The following ADCY9 variants were observed in gnomAD, a reference collection of about 807,000 sequenced individuals.
ADCY9 encodes adenylate cyclase 9.
ADCY9 carries 50 observed loss-of-function variants against 101.5 expected under a neutral mutation model. The ratio of observed to expected loss-of-function variants is 0.49; its 90% CI spans 0.39 to 0.62. The LOEUF is 0.62. ADCY9 is among the 20% of genes least tolerant of loss of function. The probability of loss-of-function intolerance (pLI) is 0.00; values close to 1 mark genes in which losing one functional copy is unlikely to be tolerated. For synonymous variants in ADCY9, 905 were observed against 769.3 expected (o/e 1.18, Z -2.92); for missense variants, 1,662 against 1,800.4 (o/e 0.92, Z 1.39).
intron 2 of ADCY9, among the ~76,000 whole-genome samples, chr16:4,081,604 T>C (rs920365034): frequency 7.9e-5 from 12 of 152,168 alleles, no homozygotes; most frequent in African/African-American, 2.4e-4. Flanking sequence ...GAGAGTGCTT[T>C]TACCTCCCAC....
In ADCY9 at chr16:4,114,881, G is replaced by T. The variant is rs1170954189; in HGVS notation, c.562C>A (p.Leu188Met). Residue 188 changes from leucine (L) to methionine (M), a missense_variant, in exon 2 of 11, where the codon CTG (leucine) becomes ATG (methionine). Leu to Met is a conservative substitution (Grantham distance 15). Around this residue, in one of 5 missense-constraint regions of ADCY9, gnomAD observed 422 missense variants for 392.0 expected, o/e 1.08. Coordinates refer to ENST00000294016, the MANE Select transcript of ADCY9 (RefSeq NM_001116.4). This position sits in a 1 kb window ranked among gnomAD's most constrained non-coding sequence, Gnocchi z 4.3. The stretch of plus-strand genomic sequence containing the variant: ...GTCAAGACCTGGAACTGCGCAGCCA[G>T]GGTCAGGGCGAACACCAGCAGGGTG... ...ALTLLVFALT[L>M]AAQFQVLTPV... 1.2e-6 allele frequency: 2 copies of T among 1,613,796 alleles called. No homozygotes were observed. Among genetic ancestry groups the T allele is most frequent in the East Asian group, 4.5e-5 (2 of 44,890 alleles).
intron 2 of ADCY9, among the ~76,000 whole-genome samples, chr16:4,060,393 C>T (rs548733510): frequency 6.6e-5 from 10 of 152,292 alleles, no homozygotes; most frequent in South Asian, 4.1e-4. Context: ...GCCTACCCCA[C>T]GCACAAAGGA....
chr16:4,026,139 T>C (rs1271841680), intron 2 of ADCY9, among the ~76,000 whole-genome samples: 2 of 152,092 alleles, frequency 1.3e-5, no homozygotes, highest in Non-Finnish European at 2.9e-5. Context: ...GAAACTAAAG[T>C]AGAGGCTGGG....
At chr16:3,983,026 G>A (rs1254579563) in intron 7 of ADCY9, 4 of 592,720 alleles carry the variant, frequency 6.7e-6, no homozygotes, top group Non-Finnish European at 5.9e-6. Context: ...CCCCTCCAGC[G>A]AGGTGGTCCC....
chr16:4,085,075 C>A (rs909171730), intron 2 of ADCY9, among the ~76,000 whole-genome samples: 2 of 151,976 alleles, frequency 1.3e-5, no homozygotes, highest in Non-Finnish European at 2.9e-5. Context: ...AGGGAGGACA[C>A]TGGAAGCTGG....
In ADCY9 at chr16:3,999,409, C is replaced by T. The variant is rs373234150; in HGVS notation, c.1885-5899G>A. 3.9e-5 allele frequency among the ~76,000 whole-genome samples: 6 copies of T among 152,296 alleles called. No individual in the cohort carries two copies. In the East Asian group the frequency reaches 5.8e-4, roughly 15 times the overall value. On this transcript the variant is annotated intron_variant, in intron 3 of 10. Transcript: ENST00000294016. ...GAGGCAGCAATGATCATTCCGCAGA[C>T]GGCCACAGACTCCAGGGCCCTGGGA...
chr16:3,956,509 G>GA lies in ADCY9; in HGVS notation c.568-2994_568-2993insT, dbSNP rs1555504591. On this transcript the variant is annotated intron_variant, in intron 5 of 5. Coordinates refer to the ADCY9 transcript ENST00000576936. ...TGAGCTTTTTTTTTTTTTTTGGGGG[G>GA]GGATGGAGTCTCCCTCTGTCTCCCA... 1.0e-3 allele frequency among the ~76,000 whole-genome samples: 74 copies of GA among 71,056 alleles called. 1 individual carries two copies. The highest frequency in any genetic ancestry group is 7.3e-4 in the Non-Finnish European group (33 of 45,340). 46.6% of individuals were successfully genotyped at this position (71,056 alleles called of 152,430 possible). A position where few individuals can be genotyped will look rare whatever the true frequency, so the allele number is the denominator to read the frequency against.
chr16:4,045,382 G>C (rs1204679769), intron 2 of ADCY9, among the ~76,000 whole-genome samples: 1 of 151,954 alleles, frequency 6.6e-6, no homozygotes, highest in African/African-American at 2.4e-5. Context: ...AGATCACAAG[G>C]TCAGGAGTTC....
At position 4,114,826 on chromosome 16, in the gene ADCY9, T is replaced by A. The variant is rs147707598; in HGVS notation, c.617A>T (p.Asn206Ile). 30 of 1,613,172 alleles carry A rather than the reference T, an allele frequency of 1.9e-5. No homozygotes were observed. Among genetic ancestry groups the A allele is most frequent in the Non-Finnish European group, 2.5e-5 (29 of 1,180,000 alleles). Residue 206 changes from asparagine (N) to isoleucine (I), a missense_variant, in exon 2 of 11, where the codon AAC becomes ATC. By Grantham distance (149) the Asn-to-Ile change is moderately radical. Coordinates refer to ENST00000294016, the MANE Select transcript of ADCY9 (RefSeq NM_001116.4). The surrounding 1 kb of genome is among the most constrained non-coding windows in gnomAD (Gnocchi z 4.3). ...TPVSGRGDSSNLTATARPTDT... is the reference protein window; with the variant it reads ...TPVSGRGDSSILTATARPTDT... ...TGTGGGCCGGGCTGTGGCCGTAAGG[T>A]TGGAGCTGTCGCCGCGTCCTGAGAC... is the stretch of plus-strand genomic sequence containing the variant.
At chr16:3,998,610 G>A (rs545110099) in intron 3 of ADCY9, among the ~76,000 whole-genome samples, 1 of 149,660 alleles carries the variant, frequency 6.7e-6, no homozygotes, top group African/African-American at 2.5e-5. Context: ...TAGGGAGGCT[G>A]AGGCAGGGGA....
chr16:3,973,667 A>AT (rs1340334780), intron 10 of ADCY9, among the ~76,000 whole-genome samples: 2 of 150,682 alleles, frequency 1.3e-5, no homozygotes, highest in African/African-American at 2.4e-5. Context: ...AATTTTTACA[A>AT]TTTTTTGCCA....
In ADCY9 at chr16:3,992,371, G is replaced by C; in HGVS notation, c.1990-8C>G. 1 of 1,613,036 alleles carries C rather than the reference G, an allele frequency of 6.2e-7. No individual in the cohort carries two copies. Among genetic ancestry groups the C allele is most frequent in the Non-Finnish European group, 8.5e-7 (1 of 1,179,386 alleles). ...ATTAGGTCCTCCAGAAGCCTGCCTC[G>C]AGACAAAGAGGACGCAGACACGGGA... On this transcript the variant is annotated splice_region_variant and splice_polypyrimidine_tract_variant and intron_variant, in intron 4 of 10. Coordinates refer to ENST00000294016, the MANE Select transcript of ADCY9 (RefSeq NM_001116.4). This position sits in a 1 kb window ranked among gnomAD's most constrained non-coding sequence, Gnocchi z 4.2.
At chr16:4,061,840 T>C (rs1053125523) in intron 2 of ADCY9, among the ~76,000 whole-genome samples, 4 of 152,236 alleles carry the variant, frequency 2.6e-5, no homozygotes, top group African/African-American at 9.6e-5. Flanking sequence ...TAGTCTCTTT[T>C]TTACACTTAA....
chr16:4,052,928 T>A (rs78022604), intron 2 of ADCY9, among the ~76,000 whole-genome samples: 1 of 152,206 alleles, frequency 6.6e-6, no homozygotes, highest in South Asian at 2.1e-4. Flanking sequence ...CATGAGCGGC[T>A]CTTCAAGTGC....
rs2055962778 is a variant in ADCY9, at chr16:3,963,892, G to A, written c.*1883C>T. On this transcript the variant is annotated 3_prime_UTR_variant, in exon 11 of 11. Transcript: ENST00000294016. ...ATAATACATTCTTTAGAAGCAAGAG[G>A]TATTGTCACAACCACCCTTTCTTCG... is the stretch of plus-strand genomic sequence containing the variant. 6.6e-6 allele frequency: 1 copy of A among 152,600 alleles called. No homozygotes were observed. The highest frequency in any genetic ancestry group is 2.1e-4 in the South Asian group (1 of 4,830). 9.5% of individuals were successfully genotyped at this position (152,600 alleles called of 1,614,324 possible). A position where few individuals can be genotyped will look rare whatever the true frequency, so the allele number is the denominator to read the frequency against.
intron 10 of ADCY9, among the ~76,000 whole-genome samples, chr16:3,969,431 G>T (rs1249314975): frequency 1.4e-5 from 2 of 146,148 alleles, no homozygotes; most frequent in African/African-American, 2.5e-5. Context: ...TAGAAACGGG[G>T]TTTCACCATG....
chr16:4,082,293 G>A (rs2056908300), intron 2 of ADCY9, among the ~76,000 whole-genome samples: 2 of 152,172 alleles, frequency 1.3e-5, no homozygotes, highest in African/African-American at 4.8e-5. Context: ...GCAGGAGGAT[G>A]GCTAGAGCCC....
At chr16:3,997,301 C>G (rs541940248) in intron 3 of ADCY9, among the ~76,000 whole-genome samples, 1 of 152,366 alleles carries the variant, frequency 6.6e-6, no homozygotes, top group African/African-American at 2.4e-5. Context: ...CACCAGAGGG[C>G]ACACTGAGGA....
intron 3 of ADCY9, among the ~76,000 whole-genome samples, chr16:3,998,361 T>C (rs1014321099): frequency 6.6e-5 from 10 of 152,052 alleles, no homozygotes; most frequent in African/African-American, 2.4e-4. Flanking sequence ...CCATGAGCTA[T>C]GGTCATGCCA....
Sources: allele counts gnomAD v4.1 joint callset (sites outside exome capture counted in the v4.1 genomes callset), GRCh38; gene constraint gnomAD v4.1.1; regional missense constraint gnomAD v4.1.1; non-coding constraint Gnocchi (gnomAD v3.1); transcripts MANE v1.5; gene names NCBI Gene and HGNC (gene_info 2026-07-23, HGNC 2026-07-21).